The following GALNT16 variants were observed in gnomAD, a reference collection of about 807,000 sequenced individuals.
The protein encoded by GALNT16 is UDP-GalNAc:polypeptide N-acetylgalactosaminyltransferase-like protein 1.
In GALNT16, 40 loss-of-function variants were observed where a neutral mutation model predicts 76.1. That is an observed-to-expected ratio of 0.53 (90% confidence interval 0.41 to 0.68). The LOEUF is 0.68. GALNT16 is among the 30% of genes least tolerant of loss of function. The pLI is 0.00. For missense variants in GALNT16, 621 were observed against 731.9 expected, an observed-to-expected ratio of 0.85 and a Z score of 1.75; for synonymous variants, 276 against 285.2, an observed-to-expected ratio of 0.97 and a Z score of 0.32.
the GALNT16 span, among the ~76,000 whole-genome samples, chr14:69,370,369 G>C: frequency 6.6e-6 from 1 of 152,180 alleles, no homozygotes; most frequent in African/African-American, 2.4e-5. Flanking sequence ...TGAGGGGAGA[G>C]GGTGGGGCAG....
chr14:69,309,138 T>A (rs2044978909), intron 1 of GALNT16, among the ~76,000 whole-genome samples: 2 of 152,102 alleles, frequency 1.3e-5, no homozygotes, highest in Admixed American at 1.3e-4. Flanking sequence ...TTTTCCTTTT[T>A]TAACATGTAC....
At chr14:69,267,499 A>T (rs1000287985) in intron 1 of GALNT16, among the ~76,000 whole-genome samples, 4 of 152,208 alleles carry the variant, frequency 2.6e-5, no homozygotes, top group African/African-American at 9.7e-5. Context: ...TTGCTGTTTC[A>T]TAAAGTGAGG....
At chr14:69,298,167 C>T (rs937247402) in intron 1 of GALNT16, among the ~76,000 whole-genome samples, 2 of 152,228 alleles carry the variant, frequency 1.3e-5, no homozygotes, top group African/African-American at 4.8e-5. Context: ...GTCAGGAGGG[C>T]AGAGGAGTTA....
rs537007485 is a variant in GALNT16 at position 69,260,227 on chromosome 14, C to T, written c.-64C>T. 6 of 1,376,112 alleles carry T rather than the reference C, an allele frequency of 4.4e-6. No homozygotes were observed. Among genetic ancestry groups the T allele is most frequent in the Admixed American group, 3.5e-5 (2 of 57,362 alleles). The allele number at this position is 1,376,112 out of a possible 1,614,324, so 85.2% of individuals were successfully genotyped here. A position where few individuals can be genotyped will look rare whatever the true frequency, so the allele number is the denominator to read the frequency against. On this transcript the variant is annotated 5_prime_UTR_variant, in exon 1 of 15. Transcript: ENST00000448469. ...AAACAAACAGCTGGGGCTGCGAGCG[C>T]CCCCGCCCCGGCCCCGAGAGCACGC...
At chr14:69,271,632 G>A (rs1188353661) in intron 1 of GALNT16, among the ~76,000 whole-genome samples, 1 of 152,196 alleles carries the variant, frequency 6.6e-6, no homozygotes, top group Non-Finnish European at 1.5e-5. Context: ...TGCAACTGAG[G>A]AACTGAATTT....
In GALNT16 at chr14:69,343,664, G is replaced by A. The variant is rs147054266; in HGVS notation, c.1271+1900G>A. Among the ~76,000 whole-genome samples, 261 of 152,328 alleles carry A rather than the reference G, an allele frequency of 1.7e-3. 2 individuals are homozygous for A. Among genetic ancestry groups the A allele is most frequent in the African/African-American group, 5.6e-3 (231 of 41,572 alleles). On this transcript the variant is annotated intron_variant, in intron 12 of 14. Transcript: ENST00000448469. ...AGTCACTTCTTTACACTGTGTCAGC[G>A]TTCATACAACATTTGGGTGAAGCCC...
intron 1 of GALNT16, among the ~76,000 whole-genome samples, chr14:69,297,655 A>G (rs1481512847): frequency 6.6e-6 from 1 of 151,510 alleles, no homozygotes; most frequent in African/African-American, 2.4e-5. Context: ...AACTACAAAG[A>G]AAAACATAAC....
At chr14:69,350,209 C>G (rs1044470106) in intron 14 of GALNT16, 1 of 152,180 alleles carries the variant, frequency 6.6e-6, no homozygotes, top group East Asian at 1.9e-4. Flanking sequence ...GAGACTCAGT[C>G]TCAAACAAAC....
At chr14:69,344,265 C>G (rs1006568927) in intron 12 of GALNT16, among the ~76,000 whole-genome samples, 6 of 152,256 alleles carry the variant, frequency 3.9e-5, no homozygotes, top group African/African-American at 1.2e-4. Flanking sequence ...TTAGGACTAT[C>G]AAGAACAGTT....
intron 1 of GALNT16, among the ~76,000 whole-genome samples, chr14:69,273,354 C>T (rs892387943): frequency 8.5e-5 from 13 of 152,160 alleles, no homozygotes; most frequent in African/African-American, 3.1e-4. Context: ...GCCAGAATGA[C>T]AAGTAGGTCT....
chr14:69,286,103 T>A (rs2044607368), intron 1 of GALNT16, among the ~76,000 whole-genome samples: 1 of 152,114 alleles, frequency 6.6e-6, no homozygotes, highest in South Asian at 2.1e-4. Flanking sequence ...CCTGGGCAAC[T>A]CACTGTGGCC....
At chr14:69,279,368 A>C (rs1257587226) in intron 1 of GALNT16, among the ~76,000 whole-genome samples, 1 of 152,222 alleles carries the variant, frequency 6.6e-6, no homozygotes, top group African/African-American at 2.4e-5. Context: ...ACCTGAGGTG[A>C]GTGCCTCACT....
At chr14:69,360,248 A>C (rs547252051), downstream of GALNT16, among the ~76,000 whole-genome samples, 11 of 150,244 alleles carry the variant, frequency 7.3e-5, no homozygotes, top group Non-Finnish European at 1.6e-4. Context: ...AGCTACTCAG[A>C]AGGCTGAGGC....
intron 1 of GALNT16, among the ~76,000 whole-genome samples, chr14:69,318,483 A>G (rs573930123): frequency 1.3e-5 from 2 of 152,294 alleles, no homozygotes; most frequent in South Asian, 4.1e-4. Context: ...TGTTGAATGA[A>G]TGCATGCATG....
the GALNT16 span, among the ~76,000 whole-genome samples, chr14:69,366,046 G>T: frequency 1.3e-5 from 2 of 152,308 alleles, no homozygotes; most frequent in East Asian, 3.9e-4. Context: ...GGTGTGGAGG[G>T]GTAAGGGCTA....
At chr14:69,307,267 A>T (rs2044949231) in intron 1 of GALNT16, among the ~76,000 whole-genome samples, 1 of 152,174 alleles carries the variant, frequency 6.6e-6, no homozygotes, top group South Asian at 2.1e-4. Flanking sequence ...ACACTTTTTC[A>T]CGTGACAAAC....
intron 1 of GALNT16, among the ~76,000 whole-genome samples, chr14:69,298,287 G>A (rs1218504036): frequency 6.6e-6 from 1 of 152,228 alleles, no homozygotes; most frequent in African/African-American, 2.4e-5. Context: ...GCAGGATTCT[G>A]TTCTAGCTGT....
intron 1 of GALNT16, among the ~76,000 whole-genome samples, chr14:69,266,584 G>A (rs1267320531): frequency 6.6e-6 from 1 of 152,190 alleles, no homozygotes; most frequent in East Asian, 1.9e-4. Context: ...GATGCAGGGA[G>A]AGAAATTTCT....
At chr14:69,347,774 A>ATCTT (rs1479302045) in intron 13 of GALNT16, 103 bp from the exon 14 acceptor site, 1 of 1,229,924 alleles carries the variant, frequency 8.1e-7, no homozygotes, top group Non-Finnish European at 1.2e-6. Context: ...ATTTGTAGAA[A>ATCTT]TCTTACAAAA....
Sources: gnomAD v4.1 joint callset for allele counts (sites outside exome capture counted in the v4.1 genomes callset) on GRCh38, gnomAD v4.1.1 for gene constraint, MANE v1.5 for transcripts, NCBI Gene and HGNC (gene_info 2026-07-23, HGNC 2026-07-21) for gene names.